Variants in PALM2AKAP2 observed in about 807,000 individuals in gnomAD.
PALM2AKAP2 encodes the protein PALM2-AKAP2 fusion protein.
A neutral mutation model predicts 71.5 loss-of-function variants in PALM2AKAP2; 37 were observed. That is an observed-to-expected ratio of 0.52 (90% CI 0.40 to 0.68). The LOEUF (loss-of-function observed/expected upper bound fraction) is 0.68. Among genes scored for constraint, PALM2AKAP2 ranks in the 30% least tolerant of loss-of-function variants. The probability of loss-of-function intolerance (pLI) is 0.00; values close to 1 mark genes in which losing one functional copy is unlikely to be tolerated. For missense variants in PALM2AKAP2, 1,224 were observed against 1,191.8 expected, an observed-to-expected ratio of 1.03 and a Z score of -0.40; for synonymous variants, 468 against 478.8, an observed-to-expected ratio of 0.98 and a Z score of 0.29.
At chr9:109,723,375 A>AATAC (rs1290311909) in intron 1 of PALM2AKAP2, among the ~76,000 whole-genome samples, 3 of 152,120 alleles carry the variant, frequency 2.0e-5, no homozygotes, top group African/African-American at 7.2e-5. Flanking sequence ...CCACCAACTC[A>AATAC]ATCTATGTCT....
At chr9:109,779,125 T>G (rs530204403), upstream of PALM2AKAP2, among the ~76,000 whole-genome samples, 11 of 152,338 alleles carry the variant, frequency 7.2e-5, no homozygotes, top group Admixed American at 6.5e-4. Flanking sequence ...AGAGGCCATA[T>G]TAGTTATTTC....
chr9:110,071,836 CTG>C (rs1834214258), intron 1 of PALM2AKAP2, among the ~76,000 whole-genome samples: 1 of 152,170 alleles, frequency 6.6e-6, no homozygotes. Context: ...CTGCCCATCA[CTG>C]TGTTATTAAC....
intron 1 of PALM2AKAP2, among the ~76,000 whole-genome samples, chr9:109,688,279 C>T (rs1398104050): frequency 2.0e-5 from 3 of 152,178 alleles, no homozygotes; most frequent in Admixed American, 2.0e-4. Flanking sequence ...AAGCACAATA[C>T]AATAAGGTAT....
chr9:109,899,429 T>G (rs1825929388), intron 3 of PALM2AKAP2, among the ~76,000 whole-genome samples: 1 of 152,188 alleles, frequency 6.6e-6, no homozygotes, highest in South Asian at 2.1e-4. Context: ...TCATGGGGAT[T>G]GATGCAAGAG....
intron 7 of PALM2AKAP2, among the ~76,000 whole-genome samples, chr9:110,035,347 A>G (rs868696107): frequency 3.9e-3 from 289 of 73,640 alleles, no homozygotes; most frequent in African/African-American, 0.011. Flanking sequence ...CATATTATAT[A>G]TATTATATGT....
chr9:110,091,885 C>T (rs891454305), intron 1 of PALM2AKAP2, among the ~76,000 whole-genome samples: 1 of 152,172 alleles, frequency 6.6e-6, no homozygotes, highest in African/African-American at 2.4e-5. Context: ...AGAACAGTTC[C>T]ATGATCCCCT....
intron 6 of PALM2AKAP2, among the ~76,000 whole-genome samples, chr9:109,972,952 C>T (rs1832099099): frequency 6.6e-6 from 1 of 152,174 alleles, no homozygotes; most frequent in African/African-American, 2.4e-5. Context: ...TGGCTTAATA[C>T]ACCTTTTACC....
chr9:110,011,006 A>AC (rs1454209302), intron 6 of PALM2AKAP2, among the ~76,000 whole-genome samples: 3 of 94,206 alleles, frequency 3.2e-5, no homozygotes, highest in African/African-American at 1.9e-4. Context: ...CAAAAAAAAA[A>AC]AAAAAAAAAT....
chr9:110,039,064 C>A (rs906302678), intron 7 of PALM2AKAP2, among the ~76,000 whole-genome samples: 1 of 151,596 alleles, frequency 6.6e-6, no homozygotes. Flanking sequence ...GCCTGTGCAA[C>A]ATGGGGAAAG....
At chr9:109,771,895 C>T (rs1389155160) in intron 1 of PALM2AKAP2, 1 of 152,288 alleles carries the variant, frequency 6.6e-6, no homozygotes, top group East Asian at 1.9e-4. Flanking sequence ...AACAACCTCC[C>T]TCTCCTCCCC....
chr9:109,890,329 G>C (rs1830058337), intron 3 of PALM2AKAP2, among the ~76,000 whole-genome samples: 1 of 152,096 alleles, frequency 6.6e-6, no homozygotes, highest in Non-Finnish European at 1.5e-5. Flanking sequence ...GAGTACTGTG[G>C]GACCCGAGGC....
chr9:109,681,898 G>T (rs1827741784), intron 1 of PALM2AKAP2, among the ~76,000 whole-genome samples: 2 of 152,100 alleles, frequency 1.3e-5, no homozygotes, highest in African/African-American at 2.4e-5. Context: ...CCTAATGTAA[G>T]TGTTGCTCAA....
chr9:109,906,078 C>T (rs1184668148), intron 3 of PALM2AKAP2, among the ~76,000 whole-genome samples: 6 of 152,286 alleles, frequency 3.9e-5, no homozygotes, highest in African/African-American at 1.4e-4. Flanking sequence ...GACAGCTGGG[C>T]CATCACATGG....
At chr9:110,094,242 C>T (rs1284744004) in intron 1 of PALM2AKAP2, among the ~76,000 whole-genome samples, 12 of 152,178 alleles carry the variant, frequency 7.9e-5, no homozygotes, top group South Asian at 2.1e-4. Flanking sequence ...TACCACAATG[C>T]ACCACTGTAG....
At chr9:109,943,200 G>A (rs1831418105) in intron 6 of PALM2AKAP2, 8 of 1,614,214 alleles carry the variant, frequency 5.0e-6, no homozygotes, top group South Asian at 2.2e-5. Context: ...AAACCATCAA[G>A]GCTGAATTGG....
At chr9:110,005,518 C>G (rs1832761234) in intron 6 of PALM2AKAP2, among the ~76,000 whole-genome samples, 1 of 152,230 alleles carries the variant, frequency 6.6e-6, no homozygotes, top group Non-Finnish European at 1.5e-5. Flanking sequence ...AGATCTCCAG[C>G]TGTGTGCTGG....
intron 1 of PALM2AKAP2, among the ~76,000 whole-genome samples, chr9:109,849,892 G>A (rs1365593716): frequency 1.3e-5 from 2 of 152,010 alleles, no homozygotes; most frequent in Non-Finnish European, 2.9e-5. Context: ...CATTACATTA[G>A]GCCTTTATCA....
At chr9:109,884,795 C>T (rs751897057) in intron 3 of PALM2AKAP2, among the ~76,000 whole-genome samples, 1 of 152,122 alleles carries the variant, frequency 6.6e-6, no homozygotes, top group Admixed American at 6.6e-5. Flanking sequence ...TACAGTTGTG[C>T]CCTGAAGGTA....
At position 109,995,001 on chromosome 9, in the gene PALM2AKAP2, C is replaced by A. The variant is rs558978992; in HGVS notation, c.497-20953C>A. 7.2e-5 allele frequency among the ~76,000 whole-genome samples: 11 copies of A among 152,330 alleles called. No individual in the cohort carries two copies. In the South Asian group the frequency reaches 1.2e-3, roughly 17 times the overall value. On this transcript the variant is annotated intron_variant, in intron 6 of 9. Transcript: ENST00000302798. The stretch of plus-strand genomic sequence containing the variant: ...CATGTCTACAAGCCACCAGGGCTGC[C>A]ATGTATAACACTGGGTGGATGATTA...
Sources: gnomAD v4.1 joint callset for allele counts (sites outside exome capture counted in the v4.1 genomes callset) on GRCh38, gnomAD v4.1.1 for gene constraint, MANE v1.5 for transcripts, NCBI Gene and HGNC (gene_info 2026-07-23, HGNC 2026-07-21) for gene names.